Variants in PRPF39 observed in about 807,000 individuals in gnomAD.
PRPF39 encodes pre-mRNA-processing factor 39.
A neutral mutation model predicts 82.1 loss-of-function variants in PRPF39; 27 were observed. The observed-to-expected ratio is 0.33, with a 90% CI of 0.24 to 0.45. The LOEUF is 0.45. PRPF39 is among the 20% of genes least tolerant of loss of function. PRPF39 has a pLI of 1.00. For synonymous variants in PRPF39, 261 were observed against 256.4 expected, an observed-to-expected ratio of 1.02 and a Z score of -0.17; for missense variants, 581 against 796.9, an observed-to-expected ratio of 0.73 and a Z score of 3.26.
intron 1 of PRPF39, among the ~76,000 whole-genome samples, chr14:45,088,963 GA>G (rs1883932140): frequency 6.6e-6 from 1 of 152,188 alleles, no homozygotes; most frequent in South Asian, 2.1e-4. Context: ...TCTACAGTTT[GA>G]AAATTACTGA....
At chr14:45,093,535 T>G (rs1198754080) in intron 1 of PRPF39, among the ~76,000 whole-genome samples, 1 of 150,274 alleles carries the variant, frequency 6.7e-6, no homozygotes. Context: ...AGTATACTAT[T>G]TATTAAAGCA....
intron 5 of PRPF39, among the ~76,000 whole-genome samples, chr14:45,105,424 A>G (rs1884497340): frequency 6.6e-6 from 1 of 151,728 alleles, no homozygotes; most frequent in Non-Finnish European, 1.5e-5. Flanking sequence ...ACATAAGGCA[A>G]TCTTTGTTAA....
At chr14:45,106,554 T>TTTTCAA in intron 5 of PRPF39, among the ~76,000 whole-genome samples, 1 of 152,232 alleles carries the variant, frequency 6.6e-6, no homozygotes, top group South Asian at 2.1e-4. Context: ...AGTGAAATGA[T>TTTTCAA]ATTTTTTTCA....
intron 1 of PRPF39, 84 bp from the exon 2 acceptor site, chr14:45,095,137 T>C: frequency 2.5e-6 from 2 of 813,118 alleles, no homozygotes; most frequent in Non-Finnish European, 3.9e-6. Flanking sequence ...ATAGCTAAAT[T>C]AGGGCTTTTT....
chr14:45,092,787 G>T (rs899163766), intron 1 of PRPF39, among the ~76,000 whole-genome samples: 2 of 151,974 alleles, frequency 1.3e-5, no homozygotes, highest in Non-Finnish European at 2.9e-5. Context: ...ATTGTAGTCG[G>T]TAAGGAATCT....
intron 5 of PRPF39, 100 bp downstream of exon 5, chr14:45,102,796 T>C: frequency 3.3e-6 from 4 of 1,201,356 alleles, no homozygotes; most frequent in East Asian, 2.7e-5. Context: ...AAGCTTTTAT[T>C]ATGTGGAAAG....
At position 45,099,113 on chromosome 14, in the gene PRPF39, G is replaced by A. The variant is rs533083284; in HGVS notation, c.569+2108G>A. 8.7e-4 allele frequency among the ~76,000 whole-genome samples: 133 copies of A among 152,152 alleles called. 1 individual carries two copies. The highest frequency in any genetic ancestry group is 6.8e-3 in the Middle Eastern group (2 of 292). On this transcript the variant is annotated intron_variant, in intron 4 of 13. Transcript: ENST00000355765. ...TGGAAGCTGTTAGGATGTTCTCTTT[G>A]GGTCTGATGTAAATGAAGTTTTATA... is the stretch of plus-strand genomic sequence containing the variant.
In PRPF39 at chr14:45,110,001, A is replaced by G. The variant is rs1025573855; in HGVS notation, c.1177-93A>G. ...TCTAGTGGTTCAATAAAGGTGCTGA[A>G]TGGGTTTAAAAATAGAATTTTATCG... On this transcript the variant is annotated intron_variant, in intron 8 of 13. Coordinates refer to ENST00000355765, the MANE Select transcript of PRPF39 (RefSeq NM_017922.4). The surrounding 1 kb of genome is among the most constrained non-coding windows in gnomAD (Gnocchi z 4.0). The G allele has an allele frequency of 1.9e-6, 3 of 1,590,186 alleles. No homozygotes were observed. The highest frequency in any genetic ancestry group is 2.6e-6 in the Non-Finnish European group (3 of 1,167,770).
chr14:45,102,372 A>G (rs1213504084), intron 4 of PRPF39, among the ~76,000 whole-genome samples, 157 bp from the exon 5 acceptor site: 1 of 152,172 alleles, frequency 6.6e-6, no homozygotes, highest in Non-Finnish European at 1.5e-5. Flanking sequence ...CAGCTGTTGT[A>G]TGCTTTCTGT....
In PRPF39 at chr14:45,114,269, T is replaced by C; in HGVS notation, c.1832+12T>C. ...AAAGCAGAAAATGGGTATGTCACTT[T>C]TTGCTAAGTCAAGAAGGCGTGCTTC... On this transcript the variant is annotated intron_variant, in intron 12 of 13. Transcript: ENST00000355765. 1 of 1,571,222 alleles carries C rather than the reference T, an allele frequency of 6.4e-7. No individual in the cohort carries two copies. The highest frequency in any genetic ancestry group is 1.1e-5 in the South Asian group (1 of 87,628).
At chr14:45,109,341 T>C (rs1884633956) in intron 7 of PRPF39, among the ~76,000 whole-genome samples, 1 of 152,224 alleles carries the variant, frequency 6.6e-6, no homozygotes, top group African/African-American at 2.4e-5. Context: ...ACTATGGTTG[T>C]TCAATTTTAA....
At chr14:45,111,631 CTTTTT>C (rs58863567) in intron 10 of PRPF39, among the ~76,000 whole-genome samples, 12 of 58,804 alleles carry the variant, frequency 2.0e-4, no homozygotes, top group East Asian at 5.0e-4. Flanking sequence ...TGCACCTGGG[CTTTTT>C]TTTTTTTTTT....
At position 45,110,758 on chromosome 14, in the gene PRPF39, A is replaced by G; in HGVS notation, c.1513A>G (p.Ile505Val). The change falls in exon 10 of 14, where the codon ATA becomes GTA. Residue 505 changes from isoleucine (I) to valine (V), a missense_variant. Coordinates refer to ENST00000355765, the MANE Select transcript of PRPF39 (RefSeq NM_017922.4). The surrounding 1 kb of genome is among the most constrained non-coding windows in gnomAD (Gnocchi z 4.0). The part of the protein sequence containing the change: ...AVKLARHLFK[I>V]QKNLPKSRKV... Reference sequence around the variant, plus strand: ...CAAACTAGCCCGGCATCTTTTCAAAATACAGAAAAACCTTCCAAAATCAAG... The same window carrying G: ...CAAACTAGCCCGGCATCTTTTCAAAGTACAGAAAAACCTTCCAAAATCAAG... 2 of 1,555,430 alleles carry G rather than the reference A, an allele frequency of 1.3e-6. No homozygotes were observed. Among genetic ancestry groups the G allele is most frequent in the Non-Finnish European group, 1.7e-6 (2 of 1,148,666 alleles).
Position 45,110,884 on chromosome 14 carries a change from G to A in PRPF39, c.1572+67G>A. The A allele has an allele frequency of 1.5e-6, 2 of 1,365,888 alleles. No individual in the cohort carries two copies. The highest frequency in any genetic ancestry group is 1.4e-5 in the South Asian group (1 of 70,480). 84.6% of individuals were successfully genotyped at this position (1,365,888 alleles called of 1,614,324 possible). A position where few individuals can be genotyped will look rare whatever the true frequency, so the allele number is the denominator to read the frequency against. On this transcript the variant is annotated intron_variant, in intron 10 of 13. Transcript: ENST00000355765. This position sits in a 1 kb window ranked among gnomAD's most constrained non-coding sequence, Gnocchi z 4.0. ...CCAGTGGTCAGTGTATTTTCACTGT[G>A]GCAACTGTGATGAAAGATTTGGTCT...
In PRPF39 at chr14:45,107,512, C is replaced by T; in HGVS notation, c.799C>T (p.Gln267Ter). 1 of 1,563,922 alleles carries T rather than the reference C, an allele frequency of 6.4e-7. No individual in the cohort carries two copies. The highest frequency in any genetic ancestry group is 1.4e-5 in the African/African-American group (1 of 73,962). ...TCTTTTAACTGGTGAACAGTTTATTCAGTTGCGAAGGGAATTAGCTTCTGT... is the reference window on the plus strand; with the variant it reads ...TCTTTTAACTGGTGAACAGTTTATTTAGTTGCGAAGGGAATTAGCTTCTGT... The part of the protein sequence containing the change: ...RDLLTGEQFI[Q>*]LRRELASVNG... Residue 267 changes from glutamine (Q) to a stop codon, truncating the protein, a stop_gained, in exon 6 of 14, where the codon CAG becomes TAG. Coordinates refer to ENST00000355765, the MANE Select transcript of PRPF39 (RefSeq NM_017922.4). LOFTEE classifies it high-confidence loss of function.
chr14:45,113,140 G>A (rs576120639), intron 11 of PRPF39, among the ~76,000 whole-genome samples: 14 of 152,212 alleles, frequency 9.2e-5, no homozygotes, highest in South Asian at 8.3e-4. Flanking sequence ...ATGATTATTC[G>A]CATTTAGATT....
At chr14:45,114,352 T>C (rs946185256) in intron 12 of PRPF39, 95 bp downstream of exon 12, 2 of 1,353,896 alleles carry the variant, frequency 1.5e-6, no homozygotes, top group African/African-American at 3.0e-5. Context: ...TGTTGTAATT[T>C]ACATACTTTA....
At chr14:45,097,075 T>C in intron 4 of PRPF39, 70 bp downstream of exon 4, 1 of 1,435,436 alleles carries the variant, frequency 7.0e-7, no homozygotes. Flanking sequence ...ATAATAGAGC[T>C]CATGAAAGCT....
Position 45,110,190 on chromosome 14 carries a change from A to G in PRPF39, c.1273A>G (p.Met425Val). ...TCTCCCAAAGAAACCCATGGTGCAT[A>G]TGCTTTGGGCAGCTTTTGAGGAACA... is the stretch of plus-strand genomic sequence containing the variant. ...IHLPKKPMVH[M>V]LWAAFEEQQG... The change falls in exon 9 of 14, where the codon ATG becomes GTG. Residue 425 changes from methionine (M) to valine (V), a missense_variant. Physicochemically the swap from Met to Val is conservative, Grantham distance 21. Transcript: ENST00000355765. The surrounding 1 kb of genome is among the most constrained non-coding windows in gnomAD (Gnocchi z 4.0). The G allele has an allele frequency of 6.2e-7, 1 of 1,613,906 alleles. No homozygotes were observed. Among genetic ancestry groups the G allele is most frequent in the Non-Finnish European group, 8.5e-7 (1 of 1,179,804 alleles).
Sources: allele counts gnomAD v4.1 joint callset (sites outside exome capture counted in the v4.1 genomes callset), GRCh38; gene constraint gnomAD v4.1.1; non-coding constraint Gnocchi (gnomAD v3.1); transcripts MANE v1.5; gene names NCBI Gene and HGNC (gene_info 2026-07-23, HGNC 2026-07-21).